Variants in PIEZO2 observed in about 807,000 individuals in gnomAD.
PIEZO2 encodes the protein piezo-type mechanosensitive ion channel component 2.
A neutral mutation model predicts 337.3 loss-of-function variants in PIEZO2; 172 were observed. The ratio of observed to expected loss-of-function variants is 0.51; its 90% confidence interval spans 0.45 to 0.58. The LOEUF is 0.58. PIEZO2 is among the 20% of genes least tolerant of loss of function. The pLI is 0.00. For synonymous variants in PIEZO2, 1,251 were observed against 1,228.5 expected (o/e 1.02, Z -0.38); for missense variants, 3,028 against 3,391.3 (o/e 0.89, Z 2.66).
chr18:11,131,284 C>T lies in PIEZO2; in HGVS notation c.64+17241G>A, dbSNP rs994949133. On this transcript the variant is annotated intron_variant, in intron 1 of 55. Transcript: ENST00000674853. The surrounding 1 kb of genome is among the most constrained non-coding windows in gnomAD (Gnocchi z 5.3). ...CAAATGGAAGTGATATATACATGAT[C>T]GGGCTCGAGCAGGTCCTGAGGGCAC... Among the ~76,000 whole-genome samples the T allele has an allele frequency of 6.6e-6, 1 of 152,136 alleles. No homozygotes were observed. Among genetic ancestry groups the T allele is most frequent in the Non-Finnish European group, 1.5e-5 (1 of 68,038 alleles).
chr18:10,855,657 T>G lies in PIEZO2; in HGVS notation c.704-91A>C. On this transcript the variant is annotated intron_variant, in intron 6 of 55. Transcript: ENST00000674853. The surrounding 1 kb of genome is among the most constrained non-coding windows in gnomAD (Gnocchi z 4.9). The stretch of plus-strand genomic sequence containing the variant: ...GTGACTATTTGAAATTATGTGAATT[T>G]CCTTCAAGTGTTTTTAGGTTTTTTA... The G allele has an allele frequency of 9.4e-7, 1 of 1,068,008 alleles. No homozygotes were observed. The highest frequency in any genetic ancestry group is 1.7e-5 in the South Asian group (1 of 59,622). The allele number at this position is 1,068,008 out of a possible 1,614,324, so 66.2% of individuals were successfully genotyped here.
At position 10,715,020 on chromosome 18, in the gene PIEZO2, C is replaced by T. The variant is rs1029228998; in HGVS notation, c.5257-90G>A. ...TTCTCAACACAGACAGCTTTTCATA[C>T]CCATGCATGCCTGGATAAGGATTAG... On this transcript the variant is annotated intron_variant, in intron 38 of 55. Transcript: ENST00000674853. 9 of 1,265,058 alleles carry T rather than the reference C, an allele frequency of 7.1e-6. No homozygotes were observed. In the African/African-American group the frequency reaches 1.2e-4, roughly 17 times the overall value. The allele number at this position is 1,265,058 out of a possible 1,614,324, so 78.4% of individuals were successfully genotyped here.
intron 36 of PIEZO2, among the ~76,000 whole-genome samples, chr18:10,720,141 G>A (rs1428852507): frequency 6.7e-6 from 1 of 149,848 alleles, no homozygotes; most frequent in Non-Finnish European, 1.5e-5. Flanking sequence ...TTATACTTAA[G>A]CTAAACATTA....
intron 18 of PIEZO2, among the ~76,000 whole-genome samples, chr18:10,778,951 C>T (rs1262574880): frequency 6.6e-6 from 1 of 152,178 alleles, no homozygotes; most frequent in Non-Finnish European, 1.5e-5. Flanking sequence ...ATAAGAAACA[C>T]AGAGAAAAAG....
chr18:11,108,386 C>T (rs577816126), intron 1 of PIEZO2, among the ~76,000 whole-genome samples: 43 of 152,028 alleles, frequency 2.8e-4, no homozygotes, highest in African/African-American at 1.0e-3. Context: ...GAGGCCGAGG[C>T]GGGCAGATCA....
chr18:11,050,792 C>CTATATATATATATATTATATA (rs528083260), intron 2 of PIEZO2, among the ~76,000 whole-genome samples: 1 of 143,866 alleles, frequency 7.0e-6, no homozygotes, highest in South Asian at 2.2e-4. Context: ...TCCTAAAAAA[C>CTATATATATATATATTATATA]TATATATATA....
intron 7 of PIEZO2, among the ~76,000 whole-genome samples, chr18:10,820,290 T>C (rs1167023695): frequency 2.0e-5 from 3 of 152,078 alleles, no homozygotes; most frequent in Non-Finnish European, 4.4e-5. Flanking sequence ...TCTCCAGTTA[T>C]ACTTCTGTTA....
chr18:10,672,935 A>T lies in PIEZO2; in HGVS notation c.8162-62T>A. ...GAATTTTAGGATTTCATGCACAGCA[A>T]CAGTTTTCAGATGGCAAAATCTGGT... On this transcript the variant is annotated intron_variant, in intron 54 of 55. Coordinates refer to ENST00000674853, the MANE Select transcript of PIEZO2 (RefSeq NM_001378183.1). This position sits in a 1 kb window ranked among gnomAD's most constrained non-coding sequence, Gnocchi z 4.7. 2 of 1,408,680 alleles carry T rather than the reference A, an allele frequency of 1.4e-6. No individual in the cohort carries two copies. Among genetic ancestry groups the T allele is most frequent in the East Asian group, 4.6e-5 (2 of 43,718 alleles). 87.3% of individuals were successfully genotyped at this position (1,408,680 alleles called of 1,614,324 possible). A position where few individuals can be genotyped will look rare whatever the true frequency, so the allele number is the denominator to read the frequency against.
chr18:11,043,324 T>C (rs1460447325), intron 2 of PIEZO2, among the ~76,000 whole-genome samples: 2 of 152,116 alleles, frequency 1.3e-5, no homozygotes, highest in African/African-American at 2.4e-5. Flanking sequence ...GACAATAAAA[T>C]ACAGCACATA....
Position 10,781,027 on chromosome 18 carries a change from T to TAA in PIEZO2, c.2493-663_2493-662dup, listed in dbSNP as rs397858174. Among the ~76,000 whole-genome samples, 2 of 145,348 alleles carry TAA rather than the reference T, an allele frequency of 1.4e-5. No homozygotes were observed. Among genetic ancestry groups the TAA allele is most frequent in the Non-Finnish European group, 1.5e-5 (1 of 65,942 alleles). Reference sequence around the variant, plus strand: ...TTAATTTTTGCTGCTACCCCAGAATTAAAAAAAAAAAGGATCCTACTCAGC... The same window carrying TAA: ...TTAATTTTTGCTGCTACCCCAGAATTAAAAAAAAAAAAAGGATCCTACTCAGC... On this transcript the variant is annotated intron_variant, in intron 17 of 55. Transcript: ENST00000674853. This position sits in a 1 kb window ranked among gnomAD's most constrained non-coding sequence, Gnocchi z 4.1.
intron 3 of PIEZO2, among the ~76,000 whole-genome samples, chr18:10,925,644 A>T (rs111802954): frequency 2.2e-4 from 34 of 152,262 alleles, no homozygotes; most frequent in Non-Finnish European, 4.3e-4. Context: ...CAGTGGCTCA[A>T]TCTCAGCTCA....
rs747042609 is a variant in PIEZO2, at chr18:11,111,463, C to T, written c.64+37062G>A. 1.3e-5 allele frequency among the ~76,000 whole-genome samples: 2 copies of T among 152,204 alleles called. No individual in the cohort carries two copies. The highest frequency in any genetic ancestry group is 2.9e-5 in the Non-Finnish European group (2 of 68,042). ...CTGGCAAAACTAGGCTCACGTGGCA[C>T]GTGGCAACAATAGGCTGCCCCTTCT... On this transcript the variant is annotated intron_variant, in intron 1 of 55. Coordinates refer to ENST00000674853, the MANE Select transcript of PIEZO2 (RefSeq NM_001378183.1). The surrounding 1 kb of genome is among the most constrained non-coding windows in gnomAD (Gnocchi z 6.2).
chr18:11,013,102 G>A (rs896530233), intron 2 of PIEZO2, among the ~76,000 whole-genome samples: 1 of 152,162 alleles, frequency 6.6e-6, no homozygotes, highest in Non-Finnish European at 1.5e-5. Flanking sequence ...CTTCATTTAT[G>A]TAATTCCCAG....
Position 10,696,462 on chromosome 18 carries a change from ACGTCAGTCACGGCGCTATACTC to A in PIEZO2, c.6883_6904del (p.Glu2295CysfsTer47). On this transcript the variant is annotated frameshift_variant, in exon 46 of 56. Coordinates refer to ENST00000674853, the MANE Select transcript of PIEZO2 (RefSeq NM_001378183.1). LOFTEE classifies it high-confidence loss of function. ...GTCAGCCAGGAACATGAGTACATAC[ACGTCAGTCACGGCGCTATACTC>A]CGGGTGGATGAGGTTGTAAAAGAAC... The A allele has an allele frequency of 6.2e-7, 1 of 1,614,186 alleles. No individual in the cohort carries two copies. The highest frequency in any genetic ancestry group is 8.5e-7 in the Non-Finnish European group (1 of 1,180,030).
intron 27 of PIEZO2, among the ~76,000 whole-genome samples, chr18:10,756,199 G>A (rs768166493): frequency 9.5e-5 from 14 of 147,358 alleles, no homozygotes; most frequent in Non-Finnish European, 1.7e-4. Flanking sequence ...AGAGGCAAAG[G>A]GGATAAGGAG....
intron 11 of PIEZO2, among the ~76,000 whole-genome samples, chr18:10,798,343 T>C (rs2039684783): frequency 6.6e-6 from 1 of 152,192 alleles, no homozygotes; most frequent in Non-Finnish European, 1.5e-5. Flanking sequence ...CTTAGCAGCA[T>C]AAAGAGGTAT....
intron 2 of PIEZO2, among the ~76,000 whole-genome samples, chr18:10,989,732 T>A (rs938759711): frequency 1.3e-5 from 2 of 152,040 alleles, no homozygotes; most frequent in Non-Finnish European, 2.9e-5. Context: ...GGAAATATGT[T>A]TATACAGGGA....
At chr18:10,935,344 A>G (rs2032332154) in intron 3 of PIEZO2, among the ~76,000 whole-genome samples, 1 of 152,188 alleles carries the variant, frequency 6.6e-6, no homozygotes, top group Non-Finnish European at 1.5e-5. Flanking sequence ...TCAGATTGTA[A>G]CTGCCCAGAA....
chr18:11,130,520 G>T (rs755630343), intron 1 of PIEZO2, among the ~76,000 whole-genome samples: 1 of 152,202 alleles, frequency 6.6e-6, no homozygotes, highest in African/African-American at 2.4e-5. Flanking sequence ...ACTTCCACAA[G>T]ATATCAAACT....
Sources: allele counts gnomAD v4.1 joint callset (sites outside exome capture counted in the v4.1 genomes callset), GRCh38; gene constraint gnomAD v4.1.1; non-coding constraint Gnocchi (gnomAD v3.1); transcripts MANE v1.5; gene names NCBI Gene and HGNC (gene_info 2026-07-23, HGNC 2026-07-21).